Variants in HYDIN observed in about 807,000 individuals in gnomAD.
HYDIN encodes axonemal central pair apparatus protein HYDIN.
HYDIN carries 132 observed loss-of-function variants against 403.9 expected under a neutral mutation model. The observed-to-expected ratio is 0.33, with a 90% CI of 0.28 to 0.38. The LOEUF is 0.38. Among genes scored for constraint, HYDIN ranks in the 10% least tolerant of loss-of-function variants. The pLI is 1.00. For missense variants in HYDIN, 2,827 were observed against 5,009.5 expected, an observed-to-expected ratio of 0.56 and a Z score of 13.15; for synonymous variants, 1,202 against 1,891.7, an observed-to-expected ratio of 0.64 and a Z score of 9.46.
chr16:70,820,173 TTTTTTTC>T (rs1348966356), intron 83 of HYDIN, among the ~76,000 whole-genome samples: 8 of 148,852 alleles, frequency 5.4e-5, no homozygotes, highest in South Asian at 2.1e-4. Context: ...TAAAGTGATT[TTTTTTTC>T]TTTTTTCTTT....
Position 70,807,947 on chromosome 16 carries a change from T to C in HYDIN, c.14999A>G (p.Lys5000Arg). 1 of 1,614,180 alleles carries C rather than the reference T, an allele frequency of 6.2e-7. No individual in the cohort carries two copies. Among genetic ancestry groups the C allele is most frequent in the Non-Finnish European group, 8.5e-7 (1 of 1,180,034 alleles). The change falls in exon 86 of 86, where the codon AAG becomes AGG. Residue 5000 changes from lysine (K) to arginine (R), a missense_variant. Lys to Arg is a conservative substitution (Grantham distance 26). Transcript: ENST00000393567. ...LFEPSHLGET[K>R]GILILSSLAG... Reference sequence around the variant, plus strand: ...GAGCGATGATAGGATCAGGATGCCCTTGGTCTCACCCAGGTGGCTGGGCTC... The same window carrying C: ...GAGCGATGATAGGATCAGGATGCCCCTGGTCTCACCCAGGTGGCTGGGCTC...
intron 23 of HYDIN, among the ~76,000 whole-genome samples, chr16:71,007,851 T>C (rs552456981): frequency 1.9e-4 from 29 of 151,804 alleles, no homozygotes; most frequent in Admixed American, 3.9e-4. Flanking sequence ...CATGCACACA[T>C]GCACTTATAT....
intron 50 of HYDIN, among the ~76,000 whole-genome samples, chr16:70,905,683 T>C (rs182900758): frequency 2.5e-3 from 361 of 145,536 alleles, no homozygotes; most frequent in Non-Finnish European, 4.6e-3. Flanking sequence ...GAGTGAATAA[T>C]ACACAGTTGT....
intron 45 of HYDIN, among the ~76,000 whole-genome samples, chr16:70,931,208 CTGTTTTTTTTTTT>C (rs1263461210): frequency 2.4e-4 from 19 of 78,270 alleles, no homozygotes; most frequent in African/African-American, 7.1e-4. Context: ...TCTCTTTCTT[CTGTTTTTTTTTTT>C]TTTTTTTTTT....
Position 70,837,725 on chromosome 16 carries a change from T to C in HYDIN, c.13207A>G (p.Thr4403Ala). Residue 4403 changes from threonine (T) to alanine (A), a missense_variant, in exon 77 of 86, where the codon ACA becomes GCA. Coordinates refer to ENST00000393567, the MANE Select transcript of HYDIN (RefSeq NM_001270974.2). Reference sequence around the variant, plus strand: ...GTACCCTTCCCTTTGATTTCGACTGTTTGTTGTGAGAGCCCATTGATTTCA... The same window carrying C: ...GTACCCTTCCCTTTGATTTCGACTGCTTGTTGTGAGAGCCCATTGATTTCA... ...PFEINGLSQQ[T>A]VEIKGKGTKM... 5 of 1,613,894 alleles carry C rather than the reference T, an allele frequency of 3.1e-6. No individual in the cohort carries two copies. The highest frequency in any genetic ancestry group is 3.4e-6 in the Non-Finnish European group (4 of 1,179,828).
At position 70,901,012 on chromosome 16, in the gene HYDIN, G is replaced by A. The variant is rs764858708; in HGVS notation, c.9040C>T (p.Arg3014Trp). Residue 3014 changes from arginine (R) to tryptophan (W), a missense_variant, in exon 53 of 86, where the codon CGG (arginine) becomes TGG (tryptophan). Coordinates refer to ENST00000393567, the MANE Select transcript of HYDIN (RefSeq NM_001270974.2). ...GATGTGTGAAGCCTCACCTCCAACC[G>A]AATAGCCTTCTTGATGTTGACAGGC... is the stretch of plus-strand genomic sequence containing the variant. ...TKPVNIKKAI[R>W]LEVLDAENLL... The A allele has an allele frequency of 6.8e-6, 4 of 588,638 alleles. No homozygotes were observed. Among genetic ancestry groups the A allele is most frequent in the Non-Finnish European group, 1.2e-5 (4 of 335,030 alleles). The allele number at this position is 588,638 out of a possible 1,614,324, so 36.5% of individuals were successfully genotyped here.
Position 70,878,669 on chromosome 16 carries a change from G to C in HYDIN, c.10557+628C>G, listed in dbSNP as rs1336205900. On this transcript the variant is annotated intron_variant, in intron 62 of 85. Coordinates refer to ENST00000393567, the MANE Select transcript of HYDIN (RefSeq NM_001270974.2). The stretch of plus-strand genomic sequence containing the variant: ...ACGTTTTGTTTTGTTTTGTTTTTTG[G>C]CTTCTGCACCTTTGAAGCTTTCTCT... Among the ~76,000 whole-genome samples the C allele has an allele frequency of 2.1e-5, 3 of 144,906 alleles. No individual in the cohort carries two copies. In the East Asian group the frequency reaches 5.8e-4, roughly 28 times the overall value.
chr16:71,109,373 T>A (rs1229954837), intron 10 of HYDIN, among the ~76,000 whole-genome samples: 1 of 135,722 alleles, frequency 7.4e-6, no homozygotes, highest in Admixed American at 6.7e-5. Flanking sequence ...TACTGTCGTT[T>A]ACGCAAAACG....
At chr16:70,947,347 G>A (rs1360022249) in intron 41 of HYDIN, among the ~76,000 whole-genome samples, 1 of 151,468 alleles carries the variant, frequency 6.6e-6, no homozygotes, top group Non-Finnish European at 1.5e-5. Context: ...TACATTTACT[G>A]ATTTGCGTAT....
chr16:71,178,427 A>AT lies in HYDIN; in HGVS notation c.381+500_381+501insA, dbSNP rs1159713402. ...AGAGTGAAACTCTGTCTCAAAAAAA[A>AT]AAAAAAAATATATATATATATATAT... On this transcript the variant is annotated intron_variant, in intron 4 of 85. Coordinates refer to ENST00000393567, the MANE Select transcript of HYDIN (RefSeq NM_001270974.2). 1.8e-4 allele frequency among the ~76,000 whole-genome samples: 21 copies of AT among 115,546 alleles called. No homozygotes were observed. In the South Asian group the frequency reaches 3.0e-3, roughly 16 times the overall value. 75.8% of individuals were successfully genotyped at this position (115,546 alleles called of 152,430 possible). A position where few individuals can be genotyped will look rare whatever the true frequency, so the allele number is the denominator to read the frequency against.
At chr16:71,077,759 A>T (rs1249195992) in intron 13 of HYDIN, among the ~76,000 whole-genome samples, 1 of 151,654 alleles carries the variant, frequency 6.6e-6, no homozygotes. Flanking sequence ...ACATAGCTAA[A>T]CTAATATTAC....
At chr16:71,011,669 G>A (rs1397471644) in intron 23 of HYDIN, among the ~76,000 whole-genome samples, 1 of 152,074 alleles carries the variant, frequency 6.6e-6, no homozygotes, top group Non-Finnish European at 1.5e-5. Context: ...AGGGTGTGGT[G>A]AACTAAGATT....
intron 47 of HYDIN, 62 bp downstream of exon 47, chr16:70,918,149 C>A (rs1597317182): frequency 4.3e-6 from 2 of 465,116 alleles, no homozygotes; most frequent in East Asian, 6.2e-5. Context: ...TGGAGGGTGA[C>A]CTTCTCTCCC....
chr16:70,803,340 G>C lies in HYDIN; in HGVS notation c.*4240C>G, dbSNP rs2034974999. The stretch of plus-strand genomic sequence containing the variant: ...ATGCCAACTAGGTAAGATTATTTAT[G>C]CATAATTGAGCTAGCAGTGGTGGTA... On this transcript the variant is annotated 3_prime_UTR_variant, in exon 86 of 86. Transcript: ENST00000393567. 6.6e-6 allele frequency among the ~76,000 whole-genome samples: 1 copy of C among 152,098 alleles called. No individual in the cohort carries two copies. The highest frequency in any genetic ancestry group is 1.5e-5 in the Non-Finnish European group (1 of 68,030).
intron 84 of HYDIN, among the ~76,000 whole-genome samples, chr16:70,817,776 C>T (rs1426084543): frequency 2.6e-5 from 4 of 152,054 alleles, no homozygotes; most frequent in African/African-American, 9.6e-5. Flanking sequence ...GAGTCTTACT[C>T]TGTTGCCCAG....
chr16:70,860,219 G>A lies in HYDIN; in HGVS notation c.11991-13C>T, dbSNP rs768379457. The stretch of plus-strand genomic sequence containing the variant: ...GATGGTAAAGGTCCTGGCCAGGGTG[G>A]AGAGAATTGACAGAAGAGAGTGGGA... On this transcript the variant is annotated splice_polypyrimidine_tract_variant and intron_variant, in intron 70 of 85. Transcript: ENST00000393567. 8.1e-6 allele frequency: 13 copies of A among 1,609,812 alleles called. No individual in the cohort carries two copies. The South Asian group carries it at 1.2e-4, about 15-fold the overall frequency.
At chr16:71,175,829 G>T in intron 4 of HYDIN, 88 bp from the exon 5 acceptor site, 1 of 1,344,948 alleles carries the variant, frequency 7.4e-7, no homozygotes, top group Non-Finnish European at 1.1e-6. Context: ...CTTACTAGAC[G>T]TGTGACCTTG....
intron 38 of HYDIN, among the ~76,000 whole-genome samples, chr16:70,960,164 C>A (rs2143948171): frequency 6.7e-6 from 1 of 149,370 alleles, no homozygotes; most frequent in Non-Finnish European, 1.5e-5. Flanking sequence ...AGGGAAATGG[C>A]TGAATAAATG....
intron 73 of HYDIN, among the ~76,000 whole-genome samples, chr16:70,853,462 G>A (rs912486836): frequency 4.7e-5 from 7 of 148,444 alleles, no homozygotes; most frequent in Non-Finnish European, 4.4e-5. Flanking sequence ...CAATCCAGAT[G>A]TCCTCCAGTG....
Sources: gnomAD v4.1 joint callset for allele counts (sites outside exome capture counted in the v4.1 genomes callset) on GRCh38, gnomAD v4.1.1 for gene constraint, MANE v1.5 for transcripts, NCBI Gene and HGNC (gene_info 2026-07-23, HGNC 2026-07-21) for gene names.